TMEM117: variants seen among roughly 807,000 people sequenced by gnomAD.
TMEM117 encodes the protein transmembrane protein 117.
TMEM117 carries 27 observed loss-of-function variants against 52.4 expected under a neutral mutation model. The observed-to-expected ratio is 0.51, with a 90% CI of 0.38 to 0.71. The LOEUF is 0.71. TMEM117 is among the 30% of genes least tolerant of loss of function. The probability of loss-of-function intolerance (pLI) is 0.00; values close to 1 mark genes in which losing one functional copy is unlikely to be tolerated. For missense variants in TMEM117, 556 were observed against 630.5 expected, an observed-to-expected ratio of 0.88 and a Z score of 1.26; for synonymous variants, 215 against 206.3, an observed-to-expected ratio of 1.04 and a Z score of -0.36.
intron 4 of TMEM117, among the ~76,000 whole-genome samples, chr12:44,169,407 G>T (rs1001820551): frequency 1.3e-5 from 2 of 152,118 alleles, no homozygotes; most frequent in African/African-American, 4.8e-5. Flanking sequence ...GTGAAGTCGT[G>T]TCTCTTCATG....
At chr12:44,363,894 G>A (rs1486598159) in intron 6 of TMEM117, among the ~76,000 whole-genome samples, 2 of 152,122 alleles carry the variant, frequency 1.3e-5, no homozygotes, top group African/African-American at 2.4e-5. Context: ...GGGGCAGAGA[G>A]CAGTCAACAA....
At chr12:43,858,467 C>A (rs1943435835) in intron 2 of TMEM117, among the ~76,000 whole-genome samples, 1 of 152,206 alleles carries the variant, frequency 6.6e-6, no homozygotes. Context: ...TAGTCGCCCC[C>A]ACAAGAAGTC....
At chr12:44,310,358 G>T (rs1370355050) in intron 6 of TMEM117, among the ~76,000 whole-genome samples, 1 of 152,240 alleles carries the variant, frequency 6.6e-6, no homozygotes, top group Non-Finnish European at 1.5e-5. Flanking sequence ...ATCACTGGGG[G>T]CAGGGCACAG....
chr12:43,884,161 A>G (rs1185638523), intron 2 of TMEM117, among the ~76,000 whole-genome samples: 1 of 151,802 alleles, frequency 6.6e-6, no homozygotes, highest in Non-Finnish European at 1.5e-5. Flanking sequence ...AAAGAAAGAA[A>G]GATTGTATTA....
At chr12:43,889,967 G>A (rs77194961) in intron 2 of TMEM117, among the ~76,000 whole-genome samples, 4,035 of 152,236 alleles carry the variant, frequency 0.027, 194 homozygotes, top group African/African-American at 0.093. Flanking sequence ...AGGGAGCTCT[G>A]AAACTAGAAT....
At chr12:44,144,126 T>C (rs959179660) in intron 4 of TMEM117, among the ~76,000 whole-genome samples, 1 of 152,214 alleles carries the variant, frequency 6.6e-6, no homozygotes, top group Non-Finnish European at 1.5e-5. Context: ...ACTAATATAA[T>C]GGTAACTGAG....
the TMEM117 span, among the ~76,000 whole-genome samples, chr12:43,809,097 C>T: frequency 6.6e-6 from 1 of 152,280 alleles, no homozygotes; most frequent in South Asian, 2.1e-4. Context: ...AAAATCACAG[C>T]GTCCATAAAG....
intron 3 of TMEM117, among the ~76,000 whole-genome samples, chr12:44,077,603 G>C (rs1157460836): frequency 6.6e-6 from 1 of 152,124 alleles, no homozygotes; most frequent in Non-Finnish European, 1.5e-5. Context: ...ATGAATCCTA[G>C]AAGATTTTGC....
chr12:43,805,957 C>G, the TMEM117 span: 10 of 1,542,138 alleles, frequency 6.5e-6, no homozygotes, highest in Non-Finnish European at 8.7e-6. Context: ...TCAACCAGGC[C>G]GCCTCGAAAG....
At chr12:44,393,970 T>C (rs924173412), downstream of TMEM117, among the ~76,000 whole-genome samples, 8 of 152,170 alleles carry the variant, frequency 5.3e-5, no homozygotes, top group Admixed American at 3.3e-4. Context: ...ACTGGAGCTC[T>C]GCATGTTTTG....
At chr12:44,151,843 A>G (rs1052365682) in intron 4 of TMEM117, among the ~76,000 whole-genome samples, 15 of 134,646 alleles carry the variant, frequency 1.1e-4, no homozygotes, top group African/African-American at 3.5e-4. Flanking sequence ...TAATGTTTAT[A>G]TATAATATAT....
At chr12:44,008,286 C>A (rs775688478) in intron 3 of TMEM117, among the ~76,000 whole-genome samples, 3 of 152,168 alleles carry the variant, frequency 2.0e-5, no homozygotes, top group Non-Finnish European at 4.4e-5. Context: ...TGAGTCTTGA[C>A]TGTTATATAT....
chr12:44,341,208 C>T (rs949080453), intron 6 of TMEM117, among the ~76,000 whole-genome samples: 2 of 151,966 alleles, frequency 1.3e-5, no homozygotes, highest in African/African-American at 4.8e-5. Context: ...CACCATGTTG[C>T]CTAGGTTGGT....
chr12:44,131,893 CTT>C (rs1351035092), intron 3 of TMEM117, among the ~76,000 whole-genome samples: 1 of 152,026 alleles, frequency 6.6e-6, no homozygotes, highest in Non-Finnish European at 1.5e-5. Context: ...TGAAAAATAT[CTT>C]TATTCTGTTC....
At chr12:44,359,690 G>A (rs966293244) in intron 6 of TMEM117, among the ~76,000 whole-genome samples, 2 of 151,598 alleles carry the variant, frequency 1.3e-5, no homozygotes, top group Admixed American at 6.6e-5. Context: ...GAAAATTTCC[G>A]GGAATAGAAT....
At chr12:44,327,044 T>C (rs1483952219) in intron 6 of TMEM117, among the ~76,000 whole-genome samples, 1 of 152,178 alleles carries the variant, frequency 6.6e-6, no homozygotes. Context: ...ATAAAGTACT[T>C]ATATTTGTAT....
At chr12:44,108,010 CTTTG>C (rs1315906513) in intron 3 of TMEM117, among the ~76,000 whole-genome samples, 5 of 152,116 alleles carry the variant, frequency 3.3e-5, no homozygotes, top group Admixed American at 6.6e-5. Flanking sequence ...TCATCTGTAA[CTTTG>C]TTTGCTTATT....
At chr12:43,950,876 ACAGCTCGGGTCTG>A (rs1945209587) in intron 3 of TMEM117, among the ~76,000 whole-genome samples, 1 of 152,202 alleles carries the variant, frequency 6.6e-6, no homozygotes, top group Admixed American at 6.5e-5. Context: ...CCGAATAGAA[ACAGCTCGGGTCTG>A]CAGCTCCCAG....
chr12:44,036,501 T>C (rs948897447), intron 3 of TMEM117, among the ~76,000 whole-genome samples: 1 of 152,260 alleles, frequency 6.6e-6, no homozygotes, highest in African/African-American at 2.4e-5. Flanking sequence ...ACTCATACAC[T>C]GCCAAGACTT....
Sources: allele counts gnomAD v4.1 joint callset (sites outside exome capture counted in the v4.1 genomes callset), GRCh38; gene constraint gnomAD v4.1.1; transcripts MANE v1.5; gene names NCBI Gene and HGNC (gene_info 2026-07-23, HGNC 2026-07-21).